FKTN: variants seen among roughly 807,000 people sequenced by gnomAD.
FKTN encodes the protein fukutin.
Under a neutral mutation model 58.6 loss-of-function variants are expected in FKTN, and 47 were observed. That is an observed-to-expected ratio of 0.80 (90% confidence interval 0.63 to 1.02). The LOEUF (loss-of-function observed/expected upper bound fraction) is 1.02. FKTN is among the 50% of genes least tolerant of loss of function. FKTN has a pLI of 0.00. For missense variants in FKTN, 516 were observed against 537.3 expected (o/e 0.96, Z 0.39); for synonymous variants, 178 against 191.9 (o/e 0.93, Z 0.60).
chr9:105,582,195 A>C (rs1843104366), intron 3 of FKTN, among the ~76,000 whole-genome samples: 2 of 151,962 alleles, frequency 1.3e-5, no homozygotes, highest in African/African-American at 4.8e-5. Flanking sequence ...TCCTACCCGA[A>C]ACTTTTCTTT....
Position 105,635,227 on chromosome 9 carries a change from C to G in FKTN, c.1349C>G (p.Pro450Arg), listed in dbSNP as rs374010294. Residue 450 changes from proline to arginine, a missense_variant, in exon 11 of 11, where the codon CCT becomes CGT. By Grantham distance (103) the Pro-to-Arg change is moderately radical. Coordinates refer to ENST00000357998, the MANE Select transcript of FKTN (RefSeq NM_001079802.2). ...AATGTGCAACCCAATGGAATCTGGC[C>G]TATTTCTGAGTGGGATGAGGTTATC... ...PPNVQPNGIW[P>R]ISEWDEVIQL... 1 of 1,613,944 alleles carries G rather than the reference C, an allele frequency of 6.2e-7. No homozygotes were observed. Among genetic ancestry groups the G allele is most frequent in the Non-Finnish European group, 8.5e-7 (1 of 1,180,000 alleles).
chr9:105,596,016 A>G (rs1260335080), intron 3 of FKTN, among the ~76,000 whole-genome samples: 1 of 152,182 alleles, frequency 6.6e-6, no homozygotes, highest in Non-Finnish European at 1.5e-5. Flanking sequence ...CTAGACCTGA[A>G]ATATCTTTTA....
At chr9:105,590,928 C>T (rs935818738) in intron 3 of FKTN, among the ~76,000 whole-genome samples, 9 of 152,008 alleles carry the variant, frequency 5.9e-5, no homozygotes, top group Middle Eastern at 3.2e-3. Flanking sequence ...AGGGGGAGCC[C>T]GCACCTCACA....
chr9:105,631,610 C>A (rs915149195), intron 10 of FKTN, among the ~76,000 whole-genome samples: 11 of 152,066 alleles, frequency 7.2e-5, no homozygotes, highest in Admixed American at 7.2e-4. Context: ...GGGTGAAGGA[C>A]ATGAACAGAC....
chr9:105,590,829 G>A (rs775962495), intron 3 of FKTN, among the ~76,000 whole-genome samples: 7 of 152,166 alleles, frequency 4.6e-5, no homozygotes, highest in Non-Finnish European at 7.3e-5. Flanking sequence ...TTGGCTCATG[G>A]TTCTGCAGGC....
At chr9:105,572,484 C>T (rs144665656) in intron 1 of FKTN, among the ~76,000 whole-genome samples, 75 of 152,178 alleles carry the variant, frequency 4.9e-4, no homozygotes, top group African/African-American at 1.6e-3. Flanking sequence ...CACATGTAAG[C>T]AGGAAGAGGT....
chr9:105,597,558 C>T (rs1827034024), intron 4 of FKTN, among the ~76,000 whole-genome samples: 1 of 152,074 alleles, frequency 6.6e-6, no homozygotes, highest in South Asian at 2.1e-4. Flanking sequence ...TTATACTACC[C>T]AGTCACAGTT....
rs1485124546 is a variant in FKTN, at chr9:105,579,023, G to A, written c.105+3886G>A. On this transcript the variant is annotated intron_variant, in intron 3 of 10. Coordinates refer to ENST00000357998, the MANE Select transcript of FKTN (RefSeq NM_001079802.2). ...GATCGGTGGTGATATCCCCTTTATC[G>A]TTTTTTATTGCGTCTATTTCATTCT... Among the ~76,000 whole-genome samples the A allele has an allele frequency of 4.6e-5, 7 of 151,290 alleles. No homozygotes were observed. The South Asian group carries it at 6.3e-4, about 14-fold the overall frequency.
chr9:105,630,224 C>G (rs879446667), intron 10 of FKTN, among the ~76,000 whole-genome samples: 1 of 152,018 alleles, frequency 6.6e-6, no homozygotes, highest in Non-Finnish European at 1.5e-5. Context: ...AAAGAAAAAT[C>G]TGGGATGGCT....
chr9:105,592,643 A>C (rs1316891416), intron 3 of FKTN, among the ~76,000 whole-genome samples: 2 of 152,180 alleles, frequency 1.3e-5, no homozygotes, highest in Non-Finnish European at 2.9e-5. Flanking sequence ...TCTCAAAAAA[A>C]AGAAAAAAAG....
At chr9:105,598,215 G>A (rs972870355) in intron 4 of FKTN, 1 of 405,638 alleles carries the variant, frequency 2.5e-6, no homozygotes, top group Non-Finnish European at 5.1e-6. Context: ...TTACATTGAG[G>A]GGACTAAAAA....
intron 3 of FKTN, among the ~76,000 whole-genome samples, chr9:105,595,714 A>G (rs1476276553): frequency 6.6e-6 from 1 of 152,164 alleles, no homozygotes; most frequent in African/African-American, 2.4e-5. Flanking sequence ...ACAAAGATGG[A>G]TTGGACTTTG....
intron 10 of FKTN, among the ~76,000 whole-genome samples, chr9:105,621,339 G>A (rs993064258): frequency 2.0e-5 from 3 of 151,776 alleles, no homozygotes; most frequent in Non-Finnish European, 2.9e-5. Context: ...TATTCTTTTC[G>A]GCACTATTTA....
chr9:105,568,560 A>G (rs1840131887), intron 1 of FKTN, among the ~76,000 whole-genome samples: 1 of 152,264 alleles, frequency 6.6e-6, no homozygotes, highest in Admixed American at 6.5e-5. Context: ...ACTGGCCATC[A>G]GAGAAATGCA....
intron 1 of FKTN, among the ~76,000 whole-genome samples, chr9:105,565,051 C>G (rs555648156): frequency 8.1e-4 from 123 of 152,222 alleles, no homozygotes; most frequent in Non-Finnish European, 1.5e-3. Flanking sequence ...CCAAACTAAG[C>G]TTCATAAGTG....
At chr9:105,583,462 A>G (rs942345238) in intron 3 of FKTN, among the ~76,000 whole-genome samples, 1 of 152,090 alleles carries the variant, frequency 6.6e-6, no homozygotes, top group African/African-American at 2.4e-5. Flanking sequence ...CGTTTCTTTG[A>G]TTACTAGTGG....
chr9:105,574,928 A>G lies in FKTN; in HGVS notation c.-88-17A>G, dbSNP rs1841397365. The stretch of plus-strand genomic sequence containing the variant: ...AAGAGGTTTTTGTTTCTTTAAAAAT[A>G]TCTTTTTTGTTCACAGAAAACAAAA... On this transcript the variant is annotated splice_polypyrimidine_tract_variant and intron_variant, in intron 2 of 10. Transcript: ENST00000357998. 1 of 734,076 alleles carries G rather than the reference A, an allele frequency of 1.4e-6. No individual in the cohort carries two copies. The highest frequency in any genetic ancestry group is 1.8e-5 in the African/African-American group (1 of 57,100). The allele number at this position is 734,076 out of a possible 1,614,324, so 45.5% of individuals were successfully genotyped here. A position where few individuals can be genotyped will look rare whatever the true frequency, so the allele number is the denominator to read the frequency against.
chr9:105,637,698 T>C lies in FKTN; in HGVS notation c.*2434T>C, dbSNP rs1238606869. 4.1e-6 allele frequency: 4 copies of C among 985,244 alleles called. No individual in the cohort carries two copies. Among genetic ancestry groups the C allele is most frequent in the Non-Finnish European group, 4.8e-6 (4 of 829,926 alleles). The allele number at this position is 985,244 out of a possible 1,614,324, so 61.0% of individuals were successfully genotyped here. On this transcript the variant is annotated 3_prime_UTR_variant, in exon 11 of 11. Coordinates refer to ENST00000357998, the MANE Select transcript of FKTN (RefSeq NM_001079802.2). Reference sequence around the variant, plus strand: ...AGTTTACCTGGCTTACCTGGGGAAGTTGACAACTTGTTGGTAGTTAGGCAC... The same window carrying C: ...AGTTTACCTGGCTTACCTGGGGAAGCTGACAACTTGTTGGTAGTTAGGCAC...
In FKTN at chr9:105,635,111, A is replaced by G. The variant is rs1833931860; in HGVS notation, c.1233A>G (p.Val411=). 1 of 1,614,088 alleles carries G rather than the reference A, an allele frequency of 6.2e-7. No homozygotes were observed. The highest frequency in any genetic ancestry group is 8.5e-7 in the Non-Finnish European group (1 of 1,179,966). The change falls in exon 11 of 11, where the codon GTA becomes GTG. Residue 411 remains valine (V), a synonymous_variant. Transcript: ENST00000357998. ...WTEFVDMKVH[V]PCETLEYIEA... ...AGTTTGTAGACATGAAGGTCCATGT[A>G]CCCTGTGAAACCCTCGAATACATTG... is the stretch of plus-strand genomic sequence containing the variant.
Sources: allele counts gnomAD v4.1 joint callset (sites outside exome capture counted in the v4.1 genomes callset), GRCh38; gene constraint gnomAD v4.1.1; transcripts MANE v1.5; gene names NCBI Gene and HGNC (gene_info 2026-07-23, HGNC 2026-07-21).